Variants in RBFOX3 observed in about 807,000 individuals in gnomAD.
RBFOX3 encodes the protein RNA binding fox-1 homolog 3.
Under a neutral mutation model 48.7 loss-of-function variants are expected in RBFOX3, and 17 were observed. The observed-to-expected ratio is 0.35, with a 90% CI of 0.24 to 0.52. RBFOX3 has a LOEUF of 0.52. RBFOX3 is among the 20% of genes least tolerant of loss of function. RBFOX3 has a pLI of 0.94. For missense variants in RBFOX3, 382 were observed against 497.5 expected (o/e 0.77, Z 2.21); for synonymous variants, 212 against 209.5 (o/e 1.01, Z -0.10).
intron 3 of RBFOX3, among the ~76,000 whole-genome samples, chr17:79,275,123 C>CCTCTCTCTCTTTCTCT (rs1191964660): frequency 7.7e-6 from 1 of 130,594 alleles, no homozygotes; most frequent in Non-Finnish European, 1.6e-5. Context: ...TCCATGTCTC[C>CCTCTCTCTCTTTCTCT]CTCTCTCTCT....
At chr17:79,366,178 G>A (rs539819946) in intron 2 of RBFOX3, among the ~76,000 whole-genome samples, 1 of 152,342 alleles carries the variant, frequency 6.6e-6, no homozygotes, top group East Asian at 1.9e-4. Context: ...CATAGCTGAC[G>A]AGAAGCAACC....
intron 2 of RBFOX3, among the ~76,000 whole-genome samples, chr17:79,350,828 C>T (rs1220950465): frequency 6.6e-6 from 1 of 152,212 alleles, no homozygotes; most frequent in African/African-American, 2.4e-5. Context: ...GAAGGTCTCT[C>T]TGAGCTCAGG....
chr17:79,237,722 G>A (rs974008928), intron 3 of RBFOX3, among the ~76,000 whole-genome samples: 3 of 152,190 alleles, frequency 2.0e-5, no homozygotes, highest in Admixed American at 6.5e-5. Flanking sequence ...GCACTGGGCT[G>A]GCCATTTCCA....
chr17:79,512,852 ATGG>A (rs2084613470), intron 1 of RBFOX3, among the ~76,000 whole-genome samples: 1 of 145,122 alleles, frequency 6.9e-6, no homozygotes, highest in African/African-American at 2.6e-5. Flanking sequence ...CTACGGCCCC[ATGG>A]CCAGGGGACG....
chr17:79,477,559 A>G lies in RBFOX3; in HGVS notation c.-175+4895T>C, dbSNP rs1598868159. 1.1e-5 allele frequency among the ~76,000 whole-genome samples: 1 copy of G among 93,874 alleles called. No homozygotes were observed. Among genetic ancestry groups the G allele is most frequent in the South Asian group, 4.8e-4 (1 of 2,094 alleles). The allele number at this position is 93,874 out of a possible 152,430, so 61.6% of individuals were successfully genotyped here. ...CGACAGAGCGAAACTCCGTCACCGG[A>G]AAAAAAAAAAGAGGAGGAGGAGTAG... On this transcript the variant is annotated intron_variant, in intron 2 of 14. Transcript: ENST00000693108. This position sits in a 1 kb window ranked among gnomAD's most constrained non-coding sequence, Gnocchi z 4.8.
At chr17:79,383,031 A>AAC (rs60851419) in intron 2 of RBFOX3, among the ~76,000 whole-genome samples, 18,689 of 140,960 alleles carry the variant, frequency 0.13, 1,411 homozygotes, top group East Asian at 0.23. Flanking sequence ...CTGCCTCTCA[A>AAC]ACACACACAC....
chr17:79,542,818 A>G (rs1429150027), intron 1 of RBFOX3, among the ~76,000 whole-genome samples: 2 of 152,222 alleles, frequency 1.3e-5, no homozygotes, highest in African/African-American at 4.8e-5. Context: ...AACAAAAGAA[A>G]TTAATTGTAA....
chr17:79,507,092 C>A (rs911604781), intron 1 of RBFOX3, among the ~76,000 whole-genome samples: 1 of 152,146 alleles, frequency 6.6e-6, no homozygotes, highest in Non-Finnish European at 1.5e-5. Flanking sequence ...GGAGCCTGGC[C>A]GGAGGGCCTG....
chr17:79,176,908 C>T (rs2050679582), intron 4 of RBFOX3, among the ~76,000 whole-genome samples: 1 of 152,146 alleles, frequency 6.6e-6, no homozygotes, highest in Admixed American at 6.5e-5. Flanking sequence ...TAGGAAGCTC[C>T]GAGACAGGTG....
intron 4 of RBFOX3, among the ~76,000 whole-genome samples, chr17:79,162,690 C>T (rs2145383261): frequency 1.3e-5 from 2 of 151,728 alleles, no homozygotes; most frequent in East Asian, 3.9e-4. Context: ...CTCCTAAGGA[C>T]TAATCAGACA....
chr17:79,577,623 T>TG (rs2092907380), intron 1 of RBFOX3, among the ~76,000 whole-genome samples: 1 of 152,240 alleles, frequency 6.6e-6, no homozygotes, highest in Non-Finnish European at 1.5e-5. Flanking sequence ...TCAAAGGTGA[T>TG]GGGCGCACAC....
At chr17:79,401,847 G>A (rs1367103884) in intron 2 of RBFOX3, among the ~76,000 whole-genome samples, 1 of 152,194 alleles carries the variant, frequency 6.6e-6, no homozygotes, top group Non-Finnish European at 1.5e-5. Flanking sequence ...AGCCTCCCGA[G>A]GGAGCGCGGC....
intron 4 of RBFOX3, among the ~76,000 whole-genome samples, chr17:79,157,765 G>T (rs1168973938): frequency 6.6e-6 from 1 of 152,156 alleles, no homozygotes. Context: ...CACCCAGCTC[G>T]GCACATGCTG....
In RBFOX3 at chr17:79,198,702, T is replaced by G. The variant is rs1161388598; in HGVS notation, c.-34+37064A>C. ...GTGCAGTGGCATGATCTAGGCTCGT[T>G]GCAACCTCCACCTTCCGGGTTCAAG... On this transcript the variant is annotated intron_variant, in intron 4 of 14. Transcript: ENST00000693108. The surrounding 1 kb of genome is among the most constrained non-coding windows in gnomAD (Gnocchi z 8.2). Among the ~76,000 whole-genome samples, 1 of 152,026 alleles carries G rather than the reference T, an allele frequency of 6.6e-6. No homozygotes were observed. Among genetic ancestry groups the G allele is most frequent in the East Asian group, 1.9e-4 (1 of 5,192 alleles).
chr17:79,552,632 C>T (rs1476426585), intron 1 of RBFOX3, among the ~76,000 whole-genome samples: 6 of 152,028 alleles, frequency 3.9e-5, no homozygotes, highest in Admixed American at 6.5e-5. Flanking sequence ...TATAATGATT[C>T]CATTGTAATT....
chr17:79,451,598 G>A (rs1555741713), intron 2 of RBFOX3, among the ~76,000 whole-genome samples: 4 of 152,154 alleles, frequency 2.6e-5, no homozygotes, highest in Admixed American at 6.5e-5. Flanking sequence ...GATCACCTAC[G>A]AACCATCACA....
At chr17:79,658,015 GAACA>G in the RBFOX3 span, among the ~76,000 whole-genome samples, 2 of 152,132 alleles carry the variant, frequency 1.3e-5, no homozygotes, top group Non-Finnish European at 2.9e-5. Context: ...CACTGGCTGA[GAACA>G]GTCTGTTCTT....
chr17:79,359,137 G>T (rs966298361), intron 2 of RBFOX3, among the ~76,000 whole-genome samples: 2 of 152,314 alleles, frequency 1.3e-5, no homozygotes, highest in Middle Eastern at 3.4e-3. Context: ...GATTCAAATG[G>T]GTTAGACGGA....
At chr17:79,566,855 G>T (rs997027065) in intron 1 of RBFOX3, among the ~76,000 whole-genome samples, 50 of 152,356 alleles carry the variant, frequency 3.3e-4, no homozygotes, top group South Asian at 8.3e-4. Context: ...TGATGGGACA[G>T]GTCCAAGCCC....
Sources: allele counts gnomAD v4.1 joint callset (sites outside exome capture counted in the v4.1 genomes callset), GRCh38; gene constraint gnomAD v4.1.1; non-coding constraint Gnocchi (gnomAD v3.1); transcripts MANE v1.5; gene names NCBI Gene and HGNC (gene_info 2026-07-23, HGNC 2026-07-21).